The following SLC25A48 variants were observed in gnomAD, a reference collection of about 807,000 sequenced individuals.
SLC25A48 encodes the protein CTC-321K16.1.
SLC25A48 carries 29 observed loss-of-function variants against 32.2 expected under a neutral mutation model. The ratio of observed to expected loss-of-function variants is 0.90; its 90% CI spans 0.67 to 1.23. The LOEUF is 1.23. SLC25A48 is among the 50% of genes most tolerant of loss of function. The probability of loss-of-function intolerance (pLI) is 0.00; values close to 1 mark genes in which losing one functional copy is unlikely to be tolerated. For synonymous variants in SLC25A48, 164 were observed against 172.3 expected (o/e 0.95, Z 0.38); for missense variants, 399 against 422.7 (o/e 0.94, Z 0.49).
chr5:135,826,868 G>C (rs1758072473), intron 4 of SLC25A48: 1 of 152,264 alleles, frequency 6.6e-6, no homozygotes, highest in Non-Finnish European at 1.5e-5. Context: ...TGCATAGCAA[G>C]AAATGAGCCA....
At chr5:135,602,607 T>C in intron 1 of SLC25A48, among the ~76,000 whole-genome samples, 1 of 149,416 alleles carries the variant, frequency 6.7e-6, no homozygotes, top group South Asian at 2.1e-4. Flanking sequence ...TCTTTTTTTT[T>C]TTCTTTCTTT....
At position 135,728,875 on chromosome 5, in the gene SLC25A48, C is replaced by T. The variant is rs1205466225; in HGVS notation, c.-520-83648C>T. ...ACACACACACACACACACACACACA[C>T]ACACACACATACACACACACCCCAA... On this transcript the variant is annotated intron_variant, in intron 3 of 10. Coordinates refer to the SLC25A48 transcript ENST00000646290. 9.3e-5 allele frequency among the ~76,000 whole-genome samples: 14 copies of T among 150,688 alleles called. No individual in the cohort carries two copies. The East Asian group carries it at 1.6e-3, about 17-fold the overall frequency.
chr5:135,840,143 C>G (rs996828116), intron 1 of SLC25A48, among the ~76,000 whole-genome samples: 4 of 152,098 alleles, frequency 2.6e-5, no homozygotes, highest in Admixed American at 2.0e-4. Context: ...TGAAAAGGTA[C>G]AGTGTATTCA....
chr5:135,815,659 CT>C (rs1757698466), intron 4 of SLC25A48, among the ~76,000 whole-genome samples: 1 of 152,186 alleles, frequency 6.6e-6, no homozygotes, highest in East Asian at 1.9e-4. Flanking sequence ...AAAATTAGTT[CT>C]ATCCATCCAT....
At chr5:135,830,287 G>A (rs949232203), upstream of SLC25A48, among the ~76,000 whole-genome samples, 35 of 152,314 alleles carry the variant, frequency 2.3e-4, no homozygotes, top group African/African-American at 7.5e-4. Context: ...CCCTCTCCTG[G>A]CGCATCTTGA....
chr5:135,733,893 G>T (rs1051308480), intron 3 of SLC25A48, among the ~76,000 whole-genome samples: 1 of 152,102 alleles, frequency 6.6e-6, no homozygotes, highest in South Asian at 2.1e-4. Context: ...AGGTATTGAG[G>T]ATAGAGGAGA....
Position 135,589,870 on chromosome 5 carries a change from A to C in SLC25A48, c.-849+10273A>C, listed in dbSNP as rs148559625. 1.4e-4 allele frequency among the ~76,000 whole-genome samples: 21 copies of C among 151,964 alleles called. No homozygotes were observed. The East Asian group carries it at 4.1e-3, about 30-fold the overall frequency. On this transcript the variant is annotated intron_variant, in intron 1 of 10. Transcript: ENST00000646290. The stretch of plus-strand genomic sequence containing the variant: ...CCACCATACCCAGGTAATTTTTTGT[A>C]TTTTTAGTAGAAACAGGGTTTCACC...
chr5:135,701,473 C>T (rs1580797139), intron 3 of SLC25A48, among the ~76,000 whole-genome samples: 1 of 152,060 alleles, frequency 6.6e-6, no homozygotes, highest in African/African-American at 2.4e-5. Context: ...TAACTCCCCC[C>T]CGCCACCGGC....
chr5:135,866,113 C>T (rs576607273), intron 4 of SLC25A48, among the ~76,000 whole-genome samples: 20 of 152,320 alleles, frequency 1.3e-4, no homozygotes, highest in Middle Eastern at 6.8e-3. Flanking sequence ...CATAGGGCCT[C>T]ATTTGTGGAT....
In SLC25A48 at chr5:135,874,511, C is replaced by T. The variant is rs748250630; in HGVS notation, c.813+357C>T. 2.3e-5 allele frequency: 13 copies of T among 559,688 alleles called. No individual in the cohort carries two copies. In the South Asian group the frequency reaches 2.5e-4, roughly 11 times the overall value. 34.7% of individuals were successfully genotyped at this position (559,688 alleles called of 1,614,324 possible). On this transcript the variant is annotated intron_variant, in intron 6 of 7. Transcript: ENST00000681962. ...GCCCTTCCTCACTCATGGCTCAGTG[C>T]CTTCCCCACTCCTCCTCCCAGTGGG...
intron 1 of SLC25A48, among the ~76,000 whole-genome samples, chr5:135,599,253 C>T (rs1410362150): frequency 6.6e-6 from 1 of 152,150 alleles, no homozygotes; most frequent in Non-Finnish European, 1.5e-5. Flanking sequence ...AGCTTCCAAG[C>T]TTATTCTCAC....
At chr5:135,750,856 A>G (rs1755753988) in intron 3 of SLC25A48, among the ~76,000 whole-genome samples, 1 of 151,728 alleles carries the variant, frequency 6.6e-6, no homozygotes. Flanking sequence ...CAAATGTGAC[A>G]CAAGCAAAAA....
intron 3 of SLC25A48, among the ~76,000 whole-genome samples, chr5:135,709,077 GT>G (rs1754591093): frequency 6.6e-6 from 1 of 152,146 alleles, no homozygotes; most frequent in African/African-American, 2.4e-5. Flanking sequence ...ACAGATTTTG[GT>G]TCACATACTA....
intron 3 of SLC25A48, among the ~76,000 whole-genome samples, chr5:135,743,524 C>T (rs1017308552): frequency 6.6e-6 from 1 of 152,074 alleles, no homozygotes; most frequent in Non-Finnish European, 1.5e-5. Context: ...GGGTGAGAAA[C>T]CCTGATAGAT....
intron 4 of SLC25A48, among the ~76,000 whole-genome samples, chr5:135,855,992 C>T (rs1225341295): frequency 6.6e-6 from 1 of 152,174 alleles, no homozygotes; most frequent in Non-Finnish European, 1.5e-5. Context: ...TTGCATCTTT[C>T]CTGGCAGTGG....
intron 3 of SLC25A48, among the ~76,000 whole-genome samples, chr5:135,792,600 A>G (rs6875426): frequency 0.043 from 6,472 of 151,752 alleles, 185 homozygotes; most frequent in African/African-American, 0.077. Context: ...GTCACTGTGC[A>G]TTTACACCTT....
chr5:135,777,444 T>A (rs6871355), intron 3 of SLC25A48, among the ~76,000 whole-genome samples: 4 of 151,422 alleles, frequency 2.6e-5, no homozygotes, highest in Non-Finnish European at 2.9e-5. Flanking sequence ...TCCCAATATC[T>A]CAGTAAGTGT....
At chr5:135,721,866 G>T (rs1386507389) in intron 3 of SLC25A48, among the ~76,000 whole-genome samples, 1 of 152,218 alleles carries the variant, frequency 6.6e-6, no homozygotes, top group South Asian at 2.1e-4. Context: ...AGAAGGATGG[G>T]GTTGTGATGC....
intron 3 of SLC25A48, among the ~76,000 whole-genome samples, chr5:135,749,594 T>C (rs1561474986): frequency 6.6e-6 from 1 of 151,300 alleles, no homozygotes; most frequent in African/African-American, 2.4e-5. Context: ...TTTTTTGGGG[T>C]GGGGTGGTGG....
Sources: gnomAD v4.1 joint callset for allele counts (sites outside exome capture counted in the v4.1 genomes callset) on GRCh38, gnomAD v4.1.1 for gene constraint, MANE v1.5 for transcripts, NCBI Gene and HGNC (gene_info 2026-07-23, HGNC 2026-07-21) for gene names.